The following PPEF2 variants were observed in gnomAD, a reference collection of about 807,000 sequenced individuals.
PPEF2 encodes the protein serine/threonine-protein phosphatase with EF-hands 2.
In PPEF2, 84 loss-of-function variants were observed where a neutral mutation model predicts 84.7. That is an observed-to-expected ratio of 0.99 (90% CI 0.83 to 1.19). The LOEUF (loss-of-function observed/expected upper bound fraction) is 1.19, where lower values mean the gene tolerates loss of function less well. Ranked by LOEUF, PPEF2 falls within the 50% of genes most tolerant of loss-of-function variation. The pLI is 0.00. For synonymous variants in PPEF2, 346 were observed against 345.2 expected (o/e 1.00, Z -0.03); for missense variants, 924 against 937.5 (o/e 0.99, Z 0.19).
At chr4:75,879,150 C>T (rs1402901689) in intron 10 of PPEF2, among the ~76,000 whole-genome samples, 3 of 152,152 alleles carry the variant, frequency 2.0e-5, no homozygotes, top group Non-Finnish European at 2.9e-5. Flanking sequence ...CTCCAGTACA[C>T]GAGGGATTGT....
Position 75,863,423 on chromosome 4 carries a change from C to T in PPEF2, c.2008+1017G>A, listed in dbSNP as rs373698626. Among the ~76,000 whole-genome samples the T allele has an allele frequency of 1.1e-4, 17 of 150,868 alleles. No individual in the cohort carries two copies. In the East Asian group the frequency reaches 3.3e-3, roughly 29 times the overall value. On this transcript the variant is annotated intron_variant, in intron 16 of 16. Coordinates refer to ENST00000286719, the MANE Select transcript of PPEF2 (RefSeq NM_006239.3). ...GCTGAGGCAGGAGAATCACTTGAAC[C>T]CGGGAGGTGGAGGTTGCAGTGATCC... is the stretch of plus-strand genomic sequence containing the variant.
At chr4:75,877,039 A>AAAGAAAGAAAG (rs149782164) in intron 10 of PPEF2, among the ~76,000 whole-genome samples, 330 of 135,550 alleles carry the variant, frequency 2.4e-3, no homozygotes, top group Middle Eastern at 0.011. Flanking sequence ...AGAAAGAAAG[A>AAAGAAAGAAAG]AAAGAAACAG....
At chr4:75,868,327 A>AAAAAAG (rs1724184887) in intron 13 of PPEF2, among the ~76,000 whole-genome samples, 2 of 150,240 alleles carry the variant, frequency 1.3e-5, no homozygotes, top group Non-Finnish European at 3.0e-5. Context: ...AAAAAAAAAA[A>AAAAAAG]AAAAAGAATA....
At chr4:75,894,482 T>G (rs993133475) in intron 2 of PPEF2, among the ~76,000 whole-genome samples, 1 of 152,236 alleles carries the variant, frequency 6.6e-6, no homozygotes, top group Non-Finnish European at 1.5e-5. Context: ...GCTAAATTTC[T>G]TTTTAACCAA....
chr4:75,889,578 C>CTTATTTATTG (rs1320384812), intron 5 of PPEF2, among the ~76,000 whole-genome samples: 3 of 152,114 alleles, frequency 2.0e-5, no homozygotes, highest in Admixed American at 2.0e-4. Flanking sequence ...GCATAATTGT[C>CTTATTTATTG]TTATTTATTG....
chr4:75,883,096 A>G lies in PPEF2; in HGVS notation c.784-21T>C, dbSNP rs1236272137. The G allele has an allele frequency of 3.7e-6, 6 of 1,613,792 alleles. No homozygotes were observed. The Admixed American group carries it at 1.0e-4, about 27-fold the overall frequency. ...TGTACCTGGAAAAAATGATATAAAC[A>G]AAATGTTATCAAATAATTCACTCAA... On this transcript the variant is annotated intron_variant, in intron 9 of 16. Transcript: ENST00000286719.
chr4:75,867,017 T>C (rs1165258463), intron 14 of PPEF2, among the ~76,000 whole-genome samples: 5 of 152,192 alleles, frequency 3.3e-5, no homozygotes, highest in Non-Finnish European at 7.3e-5. Context: ...GCCAGTCTTA[T>C]ACTCTTATAA....
intron 4 of PPEF2, among the ~76,000 whole-genome samples, chr4:75,890,656 A>G (rs1000564626): frequency 1.3e-5 from 2 of 152,118 alleles, no homozygotes; most frequent in African/African-American, 4.8e-5. Flanking sequence ...CTAAAAGATC[A>G]AGATTTGTCA....
At chr4:75,891,817 G>A (rs1724891881) in intron 3 of PPEF2, 34 bp downstream of exon 3, 4 of 1,600,490 alleles carry the variant, frequency 2.5e-6, no homozygotes, top group Non-Finnish European at 3.4e-6. Context: ...CCAAGGGAGA[G>A]CAGGAGGCGG....
chr4:75,882,506 A>G (rs1724602666), intron 10 of PPEF2, among the ~76,000 whole-genome samples: 1 of 150,546 alleles, frequency 6.6e-6, no homozygotes, highest in Non-Finnish European at 1.5e-5. Flanking sequence ...ACTACAGCAC[A>G]CTTGCCCCCT....
intron 16 of PPEF2, among the ~76,000 whole-genome samples, chr4:75,862,880 C>G (rs1724039800): frequency 6.6e-6 from 1 of 152,028 alleles, no homozygotes; most frequent in African/African-American, 2.4e-5. Context: ...TTCATAATAG[C>G]CAAAAGTAGA....
intron 1 of PPEF2, among the ~76,000 whole-genome samples, chr4:75,897,011 G>T (rs979389999): frequency 6.6e-6 from 1 of 151,826 alleles, no homozygotes; most frequent in Non-Finnish European, 1.5e-5. Flanking sequence ...TCAGCCTCCC[G>T]GTTAATTTTG....
chr4:75,882,189 A>G (rs942152390), intron 10 of PPEF2, among the ~76,000 whole-genome samples: 10 of 152,126 alleles, frequency 6.6e-5, no homozygotes, highest in African/African-American at 2.4e-4. Flanking sequence ...TCTCTGTTTC[A>G]TCTTTTTATC....
Position 75,860,485 on chromosome 4 carries a change from A to G in PPEF2, c.*182T>C, listed in dbSNP as rs376811605. ...GTGGGGTTGGGGCACTCATATACTT[A>G]AAACACATACATACACAACACCCCA... On this transcript the variant is annotated 3_prime_UTR_variant, in exon 17 of 17. Coordinates refer to ENST00000286719, the MANE Select transcript of PPEF2 (RefSeq NM_006239.3). 44 of 739,366 alleles carry G rather than the reference A, an allele frequency of 6.0e-5. 2 individuals are homozygous for G. In the African/African-American group the frequency reaches 7.6e-4, roughly 13 times the overall value. The allele number at this position is 739,366 out of a possible 1,614,324, so 45.8% of individuals were successfully genotyped here.
chr4:75,886,023 T>A (rs1479666853), intron 7 of PPEF2, among the ~76,000 whole-genome samples: 3 of 138,960 alleles, frequency 2.2e-5, no homozygotes, highest in Admixed American at 7.2e-5. Context: ...AAAAAAAAAA[T>A]TAGGCCATTA....
chr4:75,884,538 C>T lies in PPEF2; in HGVS notation c.746+56G>A, dbSNP rs1349832203. On this transcript the variant is annotated intron_variant, in intron 8 of 16. Transcript: ENST00000286719. ...CAAATAAGAAGTTCTGGAGAAATAA[C>T]ATTTTACAATTACAACAAACAAACA... 2.8e-5 allele frequency: 41 copies of T among 1,470,384 alleles called. No homozygotes were observed. The Middle Eastern group carries it at 7.6e-4, about 27-fold the overall frequency. The allele number at this position is 1,470,384 out of a possible 1,614,324, so 91.1% of individuals were successfully genotyped here.
intron 2 of PPEF2, among the ~76,000 whole-genome samples, chr4:75,892,873 G>A (rs754750420): frequency 1.3e-5 from 2 of 152,228 alleles, no homozygotes; most frequent in Admixed American, 6.5e-5. Context: ...TGCTGGTGAT[G>A]AATGGACTAT....
rs144798903 is a variant in PPEF2, at chr4:75,898,078, G to A, written c.-58-1695C>T. Among the ~76,000 whole-genome samples, 622 of 152,326 alleles carry A rather than the reference G, an allele frequency of 4.1e-3. 5 individuals are homozygous for A. The highest frequency in any genetic ancestry group is 0.015 in the African/African-American group (607 of 41,572). ...GGGCCGAATTAAAGGAATAAGTTGGGCTAGTTAACTGCAGCAGGAGCATGT... is the reference window on the plus strand; with the variant it reads ...GGGCCGAATTAAAGGAATAAGTTGGACTAGTTAACTGCAGCAGGAGCATGT... On this transcript the variant is annotated intron_variant, in intron 1 of 16. Transcript: ENST00000286719.
At chr4:75,895,850 A>G (rs1487361214) in intron 2 of PPEF2, among the ~76,000 whole-genome samples, 2 of 151,874 alleles carry the variant, frequency 1.3e-5, no homozygotes, top group East Asian at 3.9e-4. Context: ...TGCTGGGATT[A>G]CAGGTGTGAC....
Sources: allele counts gnomAD v4.1 joint callset (sites outside exome capture counted in the v4.1 genomes callset), GRCh38; gene constraint gnomAD v4.1.1; transcripts MANE v1.5; gene names NCBI Gene and HGNC (gene_info 2026-07-23, HGNC 2026-07-21).